Variants in SLC26A4 observed in about 807,000 individuals in gnomAD.
SLC26A4 encodes solute carrier family 26 member 4.
Under a neutral mutation model 90.4 loss-of-function variants are expected in SLC26A4, and 93 were observed. The observed-to-expected ratio is 1.03, with a 90% CI of 0.87 to 1.22. The LOEUF is 1.22. Ranked by LOEUF, SLC26A4 falls within the 50% of genes most tolerant of loss-of-function variation. The pLI, the probability that SLC26A4 is intolerant of heterozygous loss-of-function variation, is 0.00. For synonymous variants in SLC26A4, 393 were observed against 354.6 expected (o/e 1.11, Z -1.22); for missense variants, 1,127 against 946.2 (o/e 1.19, Z -2.51).
chr7:107,691,284 T>C (rs1791567418), intron 10 of SLC26A4, among the ~76,000 whole-genome samples: 2 of 152,012 alleles, frequency 1.3e-5, no homozygotes, highest in South Asian at 4.2e-4. Flanking sequence ...GGCGGATCAA[T>C]TGAGGTCAGG....
intron 4 of SLC26A4, among the ~76,000 whole-genome samples, chr7:107,672,668 A>T (rs56347506): frequency 0.027 from 4,168 of 152,206 alleles, 176 homozygotes; most frequent in African/African-American, 0.096. Context: ...GAAATTACTA[A>T]GTATGTTCAT....
At chr7:107,667,253 A>G (rs1369982777) in intron 3 of SLC26A4, among the ~76,000 whole-genome samples, 1 of 151,906 alleles carries the variant, frequency 6.6e-6, no homozygotes, top group Non-Finnish European at 1.5e-5. Flanking sequence ...TCAGGAAAGC[A>G]TTGCTGAAGA....
chr7:107,671,116 C>CAAAA (rs1790854483), intron 3 of SLC26A4, among the ~76,000 whole-genome samples: 1 of 152,202 alleles, frequency 6.6e-6, no homozygotes, highest in South Asian at 2.1e-4. Context: ...GACACAACTG[C>CAAAA]CTCTGTGCAA....
At position 107,661,439 on chromosome 7, in the gene SLC26A4, G is replaced by GC; in HGVS notation, c.-3-194dup. 1 of 626,362 alleles carries GC rather than the reference G, an allele frequency of 1.6e-6. No individual in the cohort carries two copies. 38.8% of individuals were successfully genotyped at this position (626,362 alleles called of 1,614,324 possible). A position where few individuals can be genotyped will look rare whatever the true frequency, so the allele number is the denominator to read the frequency against. ...CCACGAGACCCGAAGGTTCTCAGGTGCCCCCCTGCAGGCTGGCCGTGCGCG... is the reference window on the plus strand; with the variant it reads ...CCACGAGACCCGAAGGTTCTCAGGTGCCCCCCCTGCAGGCTGGCCGTGCGCG... On this transcript the variant is annotated intron_variant, in intron 1 of 20. Transcript: ENST00000644269. This position sits in a 1 kb window ranked among gnomAD's most constrained non-coding sequence, Gnocchi z 5.1.
At chr7:107,664,292 C>T (rs988252787) in intron 3 of SLC26A4, among the ~76,000 whole-genome samples, 1 of 152,114 alleles carries the variant, frequency 6.6e-6, no homozygotes, top group Non-Finnish European at 1.5e-5. Flanking sequence ...TGCAGTGGCA[C>T]GATCTTGGCT....
At chr7:107,681,949 C>CA (rs891999345) in intron 6 of SLC26A4, among the ~76,000 whole-genome samples, 4 of 150,476 alleles carry the variant, frequency 2.7e-5, no homozygotes, top group African/African-American at 9.8e-5. Context: ...CCAATCTCTA[C>CA]AAAAAATAAA....
chr7:107,696,998 C>T (rs1265833765), intron 13 of SLC26A4, among the ~76,000 whole-genome samples: 7 of 152,218 alleles, frequency 4.6e-5, no homozygotes, highest in Admixed American at 1.3e-4. Flanking sequence ...TGCCCTCCTT[C>T]CCTACCTTGG....
intron 6 of SLC26A4, among the ~76,000 whole-genome samples, chr7:107,680,277 A>AATATAATCTTATT (rs1271159007): frequency 2.9e-4 from 28 of 94,980 alleles, no homozygotes; most frequent in African/African-American, 1.0e-3. Context: ...CTTATTATAT[A>AATATAATCTTATT]ATATAATCTT....
intron 14 of SLC26A4, among the ~76,000 whole-genome samples, chr7:107,699,426 T>C (rs1359094355): frequency 1.3e-5 from 2 of 152,194 alleles, no homozygotes; most frequent in African/African-American, 4.8e-5. Flanking sequence ...TTTGCTTTTT[T>C]TCTTTGCTAC....
intron 4 of SLC26A4, among the ~76,000 whole-genome samples, chr7:107,673,574 C>T (rs1404013921): frequency 6.6e-6 from 1 of 152,064 alleles, no homozygotes; most frequent in Non-Finnish European, 1.5e-5. Context: ...ATCCCTGTCC[C>T]CACCACCCAT....
chr7:107,674,859 G>A, intron 5 of SLC26A4, 86 bp from the exon 6 acceptor site: 1 of 1,295,450 alleles, frequency 7.7e-7, no homozygotes, highest in Non-Finnish European at 1.1e-6. Context: ...TGTTTTCATT[G>A]GTATTAAGCT....
chr7:107,668,461 G>T (rs956108114), intron 3 of SLC26A4, among the ~76,000 whole-genome samples: 1 of 152,184 alleles, frequency 6.6e-6, no homozygotes, highest in African/African-American at 2.4e-5. Flanking sequence ...GGAGGTGGTG[G>T]TGTGGTTTCC....
At chr7:107,693,285 G>T (rs1290002137) in intron 10 of SLC26A4, 1 of 985,284 alleles carries the variant, frequency 1.0e-6, no homozygotes, top group African/African-American at 1.7e-5. Context: ...GCATAGAAAA[G>T]CCAGCCAGAC....
Position 107,663,389 on chromosome 7 carries a change from T to C in SLC26A4, c.258T>C (p.Ser86=), listed in dbSNP as rs756147163. The change falls in exon 3 of 21, where the codon AGT becomes AGC. Residue 86 remains serine (S), a synonymous_variant. Transcript: ENST00000644269. The part of the protein sequence containing the change: ...PKYRVKEWLL[S]DVISGVSTGL... ...ACCGAGTCAAGGAATGGCTGCTTAG[T>C]GACGTCATTTCGGGAGTTAGTACTG... 5.1e-5 allele frequency: 82 copies of C among 1,614,072 alleles called. No homozygotes were observed. Among genetic ancestry groups the C allele is most frequent in the Non-Finnish European group, 6.4e-5 (76 of 1,180,018 alleles).
In SLC26A4 at chr7:107,716,556, G is replaced by A. The variant is rs997460131; in HGVS notation, c.*1110G>A. 12 of 152,008 alleles carry A rather than the reference G, an allele frequency of 7.9e-5. No individual in the cohort carries two copies. Among genetic ancestry groups the A allele is most frequent in the African/African-American group, 2.9e-4 (12 of 41,384 alleles). The allele number at this position is 152,008 out of a possible 1,614,324, so 9.4% of individuals were successfully genotyped here. ...GGAATGTACATACTGAAAAATACAG[G>A]TTTTTTTGACCAAAAGTTTTTATAT... On this transcript the variant is annotated 3_prime_UTR_variant, in exon 21 of 21. Transcript: ENST00000644269.
intron 6 of SLC26A4, among the ~76,000 whole-genome samples, chr7:107,676,104 C>T (rs149734431): frequency 6.6e-6 from 1 of 152,170 alleles, no homozygotes; most frequent in African/African-American, 2.4e-5. Context: ...AGTTTTAGAA[C>T]TGGATGGACC....
At chr7:107,673,339 A>T (rs1033223514) in intron 4 of SLC26A4, among the ~76,000 whole-genome samples, 7 of 152,196 alleles carry the variant, frequency 4.6e-5, no homozygotes, top group Non-Finnish European at 8.8e-5. Context: ...ATATGAAAAA[A>T]TGTTTTGTCT....
chr7:107,673,383 G>A (rs1408924083), intron 4 of SLC26A4, among the ~76,000 whole-genome samples: 1 of 151,994 alleles, frequency 6.6e-6, no homozygotes, highest in African/African-American at 2.4e-5. Context: ...TACTCCCTTT[G>A]CTGTTTTTTT....
Position 107,661,520 on chromosome 7 carries a change from G to C in SLC26A4, c.-3-119G>C. ...CTGCAGGACGCGGACCAGACTCGCG[G>C]TGCAGGGGGGCCTGGCTGCAGCTAA... On this transcript the variant is annotated intron_variant, in intron 1 of 20. Coordinates refer to ENST00000644269, the MANE Select transcript of SLC26A4 (RefSeq NM_000441.2). This position sits in a 1 kb window ranked among gnomAD's most constrained non-coding sequence, Gnocchi z 5.1. 2 of 1,161,054 alleles carry C rather than the reference G, an allele frequency of 1.7e-6. No homozygotes were observed. The highest frequency in any genetic ancestry group is 2.5e-6 in the Non-Finnish European group (2 of 811,174). The allele number at this position is 1,161,054 out of a possible 1,614,324, so 71.9% of individuals were successfully genotyped here. A position where few individuals can be genotyped will look rare whatever the true frequency, so the allele number is the denominator to read the frequency against.
Sources: allele counts gnomAD v4.1 joint callset (sites outside exome capture counted in the v4.1 genomes callset), GRCh38; gene constraint gnomAD v4.1.1; non-coding constraint Gnocchi (gnomAD v3.1); transcripts MANE v1.5; gene names NCBI Gene and HGNC (gene_info 2026-07-23, HGNC 2026-07-21).